RALGAPA2: variants seen among roughly 807,000 people sequenced by gnomAD.
RALGAPA2 encodes the protein ral GTPase-activating protein subunit alpha-2.
RALGAPA2 carries 139 observed loss-of-function variants against 230.4 expected under a neutral mutation model. The observed-to-expected ratio is 0.60, with a 90% CI of 0.53 to 0.69. RALGAPA2 has a LOEUF of 0.69. Among genes scored for constraint, RALGAPA2 ranks in the 30% least tolerant of loss-of-function variants. The pLI is 0.00. For missense variants in RALGAPA2, 2,163 were observed against 2,276.0 expected (o/e 0.95, Z 1.01); for synonymous variants, 847 against 837.8 (o/e 1.01, Z -0.19).
At chr20:20,683,877 C>T (rs781262234) in intron 1 of RALGAPA2, among the ~76,000 whole-genome samples, 25 of 152,276 alleles carry the variant, frequency 1.6e-4, no homozygotes, top group Middle Eastern at 3.4e-3. Context: ...TTAATGACTA[C>T]GCCTCTATAA....
intron 26 of RALGAPA2, among the ~76,000 whole-genome samples, chr20:20,532,354 C>T (rs576174923): frequency 6.6e-6 from 1 of 152,304 alleles, no homozygotes; most frequent in African/African-American, 2.4e-5. Flanking sequence ...ATATACATTT[C>T]TATTCTGTTT....
chr20:20,550,929 T>C (rs899507257), intron 23 of RALGAPA2, among the ~76,000 whole-genome samples: 1 of 152,232 alleles, frequency 6.6e-6, no homozygotes, highest in Non-Finnish European at 1.5e-5. Context: ...CAGTGAACTA[T>C]TATTTTGCTG....
intron 24 of RALGAPA2, among the ~76,000 whole-genome samples, chr20:20,546,116 A>C (rs1050778548): frequency 6.6e-6 from 1 of 152,218 alleles, no homozygotes; most frequent in African/African-American, 2.4e-5. Flanking sequence ...ATACTGCCTT[A>C]GTAGTAGAGG....
chr20:20,686,487 G>A (rs995008911), intron 1 of RALGAPA2, among the ~76,000 whole-genome samples: 8 of 150,062 alleles, frequency 5.3e-5, no homozygotes, highest in East Asian at 2.0e-4. Context: ...AGCCGAGATC[G>A]CACCACTGCA....
intron 1 of RALGAPA2, among the ~76,000 whole-genome samples, chr20:20,683,186 T>C (rs1217081039): frequency 6.6e-6 from 1 of 152,222 alleles, no homozygotes; most frequent in Non-Finnish European, 1.5e-5. Context: ...GTTCCAGCCC[T>C]GGACTGCTTC....
intron 32 of RALGAPA2, among the ~76,000 whole-genome samples, chr20:20,512,163 G>C (rs867669120): frequency 6.6e-6 from 1 of 151,392 alleles, no homozygotes; most frequent in African/African-American, 2.4e-5. Flanking sequence ...ACTCCAGCCC[G>C]GGCAACAGAG....
chr20:20,403,297 T>A (rs574314403), intron 38 of RALGAPA2, among the ~76,000 whole-genome samples: 1 of 152,350 alleles, frequency 6.6e-6, no homozygotes, highest in East Asian at 1.9e-4. Context: ...ATTTATGGGA[T>A]GAATGTCTGA....
In RALGAPA2 at chr20:20,620,367, C is replaced by T. The variant is rs572365850; in HGVS notation, c.1401+96G>A. On this transcript the variant is annotated intron_variant, in intron 11 of 39. Coordinates refer to ENST00000202677, the MANE Select transcript of RALGAPA2 (RefSeq NM_020343.4). ...TCAGATGGGATAAAAAAGAGATCCA[C>T]CTGCCTTTGTCCCATTGACAAGACT... 9.3e-6 allele frequency: 12 copies of T among 1,292,968 alleles called. No individual in the cohort carries two copies. The Admixed American group carries it at 1.8e-4, about 20-fold the overall frequency. The allele number at this position is 1,292,968 out of a possible 1,614,324, so 80.1% of individuals were successfully genotyped here.
At chr20:20,471,979 T>C (rs933152743) in intron 37 of RALGAPA2, 1 of 152,184 alleles carries the variant, frequency 6.6e-6, no homozygotes, top group African/African-American at 2.4e-5. Context: ...GAAGTATATA[T>C]AGAGGTCAAA....
chr20:20,482,905 C>T (rs982418369), intron 36 of RALGAPA2, among the ~76,000 whole-genome samples: 1 of 152,184 alleles, frequency 6.6e-6, no homozygotes, highest in South Asian at 2.1e-4. Context: ...GCAGAAATTA[C>T]CAGCTTGCTC....
At position 20,605,240 on chromosome 20, in the gene RALGAPA2, A is replaced by G. The variant is rs751138608; in HGVS notation, c.1973T>C (p.Val658Ala). 22 of 1,613,732 alleles carry G rather than the reference A, an allele frequency of 1.4e-5. No homozygotes were observed. In the South Asian group the frequency reaches 2.4e-4, roughly 18 times the overall value. Residue 658 changes from valine to alanine, a missense_variant, in exon 15 of 40, where the codon GTT (valine) becomes GCT (alanine). Transcript: ENST00000202677. ...ATCCAGAGGTAGGTTTGTCATCTCA[A>G]CTCCATAAACGGTTCTTGCAAGCAC... ...TAVLARTVYG[V>A]EMTNLPLDKL... is the part of the protein sequence containing the mutation.
Position 20,554,731 on chromosome 20 carries a change from T to C in RALGAPA2, c.3157-7899A>G, listed in dbSNP as rs562624970. On this transcript the variant is annotated intron_variant, in intron 23 of 39. Coordinates refer to ENST00000202677, the MANE Select transcript of RALGAPA2 (RefSeq NM_020343.4). The stretch of plus-strand genomic sequence containing the variant: ...GTTGTCCAGGCAGGTCTCAAATCCC[T>C]GGCCTCAAGCAATCCACCTGTATCA... Among the ~76,000 whole-genome samples, 12 of 152,308 alleles carry C rather than the reference T, an allele frequency of 7.9e-5. No homozygotes were observed. In the South Asian group the frequency reaches 8.3e-4, roughly 11 times the overall value.
At chr20:20,605,121 C>G (rs1000924666) in intron 15 of RALGAPA2, 54 bp downstream of exon 15, 1 of 1,450,252 alleles carries the variant, frequency 6.9e-7, no homozygotes, top group African/African-American at 1.4e-5. Flanking sequence ...CATACAAATA[C>G]ACACTCGTCC....
intron 2 of RALGAPA2, among the ~76,000 whole-genome samples, chr20:20,677,099 G>A (rs1163441450): frequency 6.6e-6 from 1 of 152,170 alleles, no homozygotes; most frequent in Non-Finnish European, 1.5e-5. Flanking sequence ...CTATATGCCA[G>A]GGATTATTCT....
chr20:20,540,037 C>G (rs1445293805), intron 24 of RALGAPA2, among the ~76,000 whole-genome samples: 1 of 152,170 alleles, frequency 6.6e-6, no homozygotes, highest in African/African-American at 2.4e-5. Context: ...GCTTTCATAT[C>G]CTGGCTATTG....
Position 20,640,570 on chromosome 20 carries a change from T to C in RALGAPA2, c.550+131A>G. 2 of 869,222 alleles carry C rather than the reference T, an allele frequency of 2.3e-6. 1 individual carries two copies. The highest frequency in any genetic ancestry group is 3.9e-5 in the South Asian group (2 of 50,868). The allele number at this position is 869,222 out of a possible 1,614,324, so 53.8% of individuals were successfully genotyped here. The stretch of plus-strand genomic sequence containing the variant: ...TTCTAAGGTATGTAAGAATCTACAG[T>C]GAATATGAAAGGGGAATAATTCCTC... On this transcript the variant is annotated intron_variant, in intron 6 of 39. Transcript: ENST00000202677.
At chr20:20,451,190 G>A (rs1353921272) in intron 37 of RALGAPA2, among the ~76,000 whole-genome samples, 1 of 152,110 alleles carries the variant, frequency 6.6e-6, no homozygotes, top group African/African-American at 2.4e-5. Context: ...AATATAGAAA[G>A]TGAGGCCCAC....
intron 31 of RALGAPA2, among the ~76,000 whole-genome samples, chr20:20,514,544 A>C (rs1488324324): frequency 6.6e-6 from 1 of 152,162 alleles, no homozygotes; most frequent in South Asian, 2.1e-4. Flanking sequence ...TGGTGGCCTG[A>C]GCTGCCCCAC....
intron 37 of RALGAPA2, among the ~76,000 whole-genome samples, chr20:20,460,957 T>C (rs151174203): frequency 2.0e-5 from 3 of 152,190 alleles, no homozygotes; most frequent in Non-Finnish European, 4.4e-5. Context: ...GGAAAGCGCA[T>C]CTCATCCCAA....
Sources: allele counts gnomAD v4.1 joint callset (sites outside exome capture counted in the v4.1 genomes callset), GRCh38; gene constraint gnomAD v4.1.1; transcripts MANE v1.5; gene names NCBI Gene and HGNC (gene_info 2026-07-23, HGNC 2026-07-21).